Variants in PHLDB2 observed in about 807,000 individuals in gnomAD.
The protein encoded by PHLDB2 is pleckstrin homology like domain family B member 2.
A neutral mutation model predicts 123.6 loss-of-function variants in PHLDB2; 71 were observed. The ratio of observed to expected loss-of-function variants is 0.57; its 90% confidence interval spans 0.47 to 0.70. The LOEUF (loss-of-function observed/expected upper bound fraction) is 0.70. PHLDB2 is among the 30% of genes least tolerant of loss of function. The probability of loss-of-function intolerance (pLI) is 0.00; values close to 1 mark genes in which losing one functional copy is unlikely to be tolerated. For synonymous variants in PHLDB2, 547 were observed against 541.6 expected, an observed-to-expected ratio of 1.01 and a Z score of -0.14; for missense variants, 1,446 against 1,519.5, an observed-to-expected ratio of 0.95 and a Z score of 0.80.
chr3:111,856,618 G>A (rs994056100), upstream of PHLDB2, among the ~76,000 whole-genome samples: 1 of 152,164 alleles, frequency 6.6e-6, no homozygotes, highest in Non-Finnish European at 1.5e-5. Context: ...ATTCTCCTTA[G>A]ACCTGAAGGG....
At position 111,919,114 on chromosome 3, in the gene PHLDB2, G is replaced by A. The variant is rs1418409312; in HGVS notation, c.1762G>A (p.Ala588Thr). 6.2e-7 allele frequency: 1 copy of A among 1,613,936 alleles called. No homozygotes were observed. Among genetic ancestry groups the A allele is most frequent in the East Asian group, 2.2e-5 (1 of 44,902 alleles). The stretch of plus-strand genomic sequence containing the variant: ...TGAAGAACAGAGATCTCAGGAGTTG[G>A]CTGCAATGGAAGAAACCCGGATAGT... Reference protein sequence around the residue: ...ISEEQRSQELAAMEETRIVIL... With the variant: ...ISEEQRSQELTAMEETRIVIL... Residue 588 changes from alanine (A) to threonine (T), a missense_variant, in exon 4 of 18, where the codon GCT becomes ACT. Ala to Thr is a moderately conservative substitution (Grantham distance 58, BLOSUM62 0). Transcript: ENST00000431670.
intron 1 of PHLDB2, among the ~76,000 whole-genome samples, chr3:111,735,517 T>C (rs1479329363): frequency 6.6e-6 from 1 of 152,236 alleles, no homozygotes. Flanking sequence ...GTCGACTAAA[T>C]GTCTTTGAAC....
In PHLDB2 at chr3:111,756,445, C is replaced by G. The variant is rs868757007; in HGVS notation, c.-49+23742C>G. Among the ~76,000 whole-genome samples the G allele has an allele frequency of 1.8e-3, 280 of 152,138 alleles. 1 individual carries two copies. Among genetic ancestry groups the G allele is most frequent in the African/African-American group, 6.4e-3 (267 of 41,520 alleles). ...CTTTTGATCTTTGTTGGTTTAAAGTCTTTTATCAGAGACTAGGATTGCAAC... is the reference window on the plus strand; with the variant it reads ...CTTTTGATCTTTGTTGGTTTAAAGTGTTTTATCAGAGACTAGGATTGCAAC... On this transcript the variant is annotated intron_variant, in intron 1 of 17. Transcript: ENST00000393923.
chr3:111,898,317 G>A (rs1342605169), intron 2 of PHLDB2, among the ~76,000 whole-genome samples: 1 of 151,980 alleles, frequency 6.6e-6, no homozygotes, highest in Non-Finnish European at 1.5e-5. Context: ...AAGCAGCTGG[G>A]ATTACAGGCA....
chr3:111,844,480 A>C (rs747453861), intron 1 of PHLDB2, among the ~76,000 whole-genome samples: 2 of 152,162 alleles, frequency 1.3e-5, no homozygotes, highest in Admixed American at 6.5e-5. Context: ...ACCTTCTAGA[A>C]TCAATAAATC....
chr3:111,952,829 T>A, intron 11 of PHLDB2, 117 bp downstream of exon 11: 2 of 1,233,710 alleles, frequency 1.6e-6, no homozygotes, highest in Non-Finnish European at 1.1e-6. Context: ...TACATTTACT[T>A]GTTAGGCAGA....
intron 1 of PHLDB2, among the ~76,000 whole-genome samples, chr3:111,811,466 G>T (rs2061833721): frequency 1.3e-5 from 2 of 152,050 alleles, no homozygotes. Context: ...TGAGTGTCAA[G>T]CTTTAATGTA....
chr3:111,805,152 G>A (rs6772828), intron 1 of PHLDB2, among the ~76,000 whole-genome samples: 53,094 of 152,082 alleles, frequency 0.35, 9,612 homozygotes, highest in East Asian at 0.48. Flanking sequence ...ACCCAAGAGA[G>A]ATGAAACATA....
In PHLDB2 at chr3:111,905,749, G is replaced by A. The variant is rs1029034466; in HGVS notation, c.1336-7570G>A. Among the ~76,000 whole-genome samples the A allele has an allele frequency of 3.4e-4, 51 of 152,210 alleles. 2 individuals carry two copies. The highest frequency in any genetic ancestry group is 2.1e-4 in the Non-Finnish European group (14 of 68,024). On this transcript the variant is annotated intron_variant, in intron 2 of 17. Transcript: ENST00000431670. ...CTGTAGGTTTGTTTATATCAGCATC[G>A]CAGCAAACACATGAGTAATATGTTG...
intron 1 of PHLDB2, among the ~76,000 whole-genome samples, chr3:111,877,832 C>A (rs1395363773): frequency 6.6e-6 from 1 of 152,044 alleles, no homozygotes; most frequent in Non-Finnish European, 1.5e-5. Context: ...GAATCCTTTC[C>A]CCATTGCTTG....
chr3:111,968,656 A>G (rs1412064157), intron 15 of PHLDB2, among the ~76,000 whole-genome samples: 2 of 152,250 alleles, frequency 1.3e-5, no homozygotes, highest in East Asian at 1.9e-4. Flanking sequence ...GTTAGAGACT[A>G]TCTTTAAGAC....
At chr3:111,860,367 A>T (rs1461606479) in intron 1 of PHLDB2, among the ~76,000 whole-genome samples, 1 of 152,148 alleles carries the variant, frequency 6.6e-6, no homozygotes, top group African/African-American at 2.4e-5. Context: ...CCCCCACTGA[A>T]AGTTTACAGT....
intron 1 of PHLDB2, among the ~76,000 whole-genome samples, chr3:111,830,955 GAGA>G (rs2062952319): frequency 1.6e-5 from 1 of 63,678 alleles, no homozygotes; most frequent in Non-Finnish European, 2.8e-5. Context: ...AAGAAAGAAA[GAGA>G]AAGAAAGAAA....
intron 1 of PHLDB2, among the ~76,000 whole-genome samples, chr3:111,736,138 C>T (rs1483503698): frequency 1.3e-5 from 2 of 152,144 alleles, no homozygotes; most frequent in Non-Finnish European, 2.9e-5. Context: ...AACACACATG[C>T]ACACATGCAC....
chr3:111,898,590 C>T (rs1475629843), intron 2 of PHLDB2, among the ~76,000 whole-genome samples: 1 of 152,178 alleles, frequency 6.6e-6, no homozygotes, highest in African/African-American at 2.4e-5. Flanking sequence ...TGCGCTTTAC[C>T]CACAGTAGAA....
At position 111,885,035 on chromosome 3, in the gene PHLDB2, G is replaced by A; in HGVS notation, c.958G>A (p.Glu320Lys). ...TTTACCCTATAAAACCTCTGCTTCT[G>A]AAGGCAATCCTTATGTAAGTTCTAC... ...GALPYKTSASEGNPYVSSTLS... is the reference protein window; with the variant it reads ...GALPYKTSASKGNPYVSSTLS... The change falls in exon 2 of 18, where the codon GAA becomes AAA. Residue 320 changes from glutamate (E) to lysine (K), a missense_variant. Transcript: ENST00000431670. The A allele has an allele frequency of 6.2e-7, 1 of 1,614,144 alleles. No individual in the cohort carries two copies.
intron 8 of PHLDB2, among the ~76,000 whole-genome samples, chr3:111,941,255 C>G (rs1293625049): frequency 6.6e-6 from 1 of 152,200 alleles, no homozygotes; most frequent in Non-Finnish European, 1.5e-5. Context: ...CATTGAAAAG[C>G]AAGCCGTAGC....
rs151017047 is a variant in PHLDB2, at chr3:111,769,047, G to A, written c.-49+36344G>A. Reference sequence around the variant, plus strand: ...TCACCTCTGACCCATGGTCAGACACGTGACTGTGAGTGTTGCCAGATGGAA... The same window carrying A: ...TCACCTCTGACCCATGGTCAGACACATGACTGTGAGTGTTGCCAGATGGAA... On this transcript the variant is annotated intron_variant, in intron 1 of 17. Transcript: ENST00000393923. 1.1e-4 allele frequency among the ~76,000 whole-genome samples: 16 copies of A among 152,302 alleles called. No individual in the cohort carries two copies. The East Asian group carries it at 1.7e-3, about 17-fold the overall frequency.
intron 5 of PHLDB2, among the ~76,000 whole-genome samples, chr3:111,925,294 A>G (rs2068752055): frequency 6.6e-6 from 1 of 152,228 alleles, no homozygotes; most frequent in Non-Finnish European, 1.5e-5. Context: ...AAAACATAAA[A>G]TATAGTCAGT....
Sources: gnomAD v4.1 joint callset for allele counts (sites outside exome capture counted in the v4.1 genomes callset) on GRCh38, gnomAD v4.1.1 for gene constraint, MANE v1.5 for transcripts, NCBI Gene and HGNC (gene_info 2026-07-23, HGNC 2026-07-21) for gene names.